Variants in VWA2 observed in about 807,000 individuals in gnomAD.
VWA2 encodes the protein von Willebrand factor A domain-containing protein 2.
VWA2 carries 73 observed loss-of-function variants against 70.4 expected under a neutral mutation model. That is an observed-to-expected ratio of 1.04 (90% CI 0.86 to 1.26). VWA2 has a LOEUF of 1.26. Ranked by LOEUF, VWA2 falls within the 50% of genes most tolerant of loss-of-function variation. The pLI is 0.00. For synonymous variants in VWA2, 407 were observed against 423.3 expected (o/e 0.96, Z 0.47); for missense variants, 1,011 against 998.5 (o/e 1.01, Z -0.17).
chr10:114,252,994 G>A (rs1017302714), intron 2 of VWA2, among the ~76,000 whole-genome samples: 1 of 151,584 alleles, frequency 6.6e-6, no homozygotes, highest in African/African-American at 2.4e-5. Context: ...ACTGCACATT[G>A]ACATTTACAA....
chr10:114,239,402 G>A lies in VWA2; in HGVS notation c.-178G>A, dbSNP rs1303317906. On this transcript the variant is annotated 5_prime_UTR_variant, in exon 1 of 14. Coordinates refer to ENST00000392982, the MANE Select transcript of VWA2 (RefSeq NM_001272046.2). ...GCGGTAGTTCCTCCGACCTCAGCCGGGTCGGGTCGTGCCGCCCTCTCCCAG... is the reference window on the plus strand; with the variant it reads ...GCGGTAGTTCCTCCGACCTCAGCCGAGTCGGGTCGTGCCGCCCTCTCCCAG... 1 of 152,390 alleles carries A rather than the reference G, an allele frequency of 6.6e-6. No individual in the cohort carries two copies. The highest frequency in any genetic ancestry group is 3.4e-3 in the Middle Eastern group (1 of 294). 9.4% of individuals were successfully genotyped at this position (152,390 alleles called of 1,614,324 possible). A position where few individuals can be genotyped will look rare whatever the true frequency, so the allele number is the denominator to read the frequency against.
At chr10:114,288,309 T>A (rs1015757380) in intron 11 of VWA2, among the ~76,000 whole-genome samples, 1 of 152,218 alleles carries the variant, frequency 6.6e-6, no homozygotes, top group African/African-American at 2.4e-5. Flanking sequence ...GCTGCCGACA[T>A]CATTTGTAAT....
In VWA2 at chr10:114,278,811, C is replaced by T. The variant is rs202058880; in HGVS notation, c.793C>T (p.Arg265Trp). 19 of 1,613,316 alleles carry T rather than the reference C, an allele frequency of 1.2e-5. No individual in the cohort carries two copies. The highest frequency in any genetic ancestry group is 8.8e-5 in the South Asian group (8 of 91,056). The change falls in exon 8 of 14, where the codon CGG becomes TGG. Residue 265 changes from arginine (R) to tryptophan (W), a missense_variant. Transcript: ENST00000392982. ...TGCCCCATGCTGGAGAGGATCGCGGCGGACCCTTGCGGTGCTGGCTGCACA... is the reference window on the plus strand; with the variant it reads ...TGCCCCATGCTGGAGAGGATCGCGGTGGACCCTTGCGGTGCTGGCTGCACA... The part of the protein sequence containing the change: ...GNAPCWRGSR[R>W]TLAVLAAHCP...
At chr10:114,261,959 G>T (rs2037453794) in intron 5 of VWA2, among the ~76,000 whole-genome samples, 1 of 152,154 alleles carries the variant, frequency 6.6e-6, no homozygotes, top group African/African-American at 2.4e-5. Context: ...GGGGGGGCAG[G>T]TGCATCACAT....
chr10:114,256,496 T>C (rs910117151), intron 4 of VWA2, among the ~76,000 whole-genome samples: 8 of 152,112 alleles, frequency 5.3e-5, no homozygotes, highest in Admixed American at 1.3e-4. Flanking sequence ...ACAGTGGTTT[T>C]CATTAAGGGG....
intron 1 of VWA2, among the ~76,000 whole-genome samples, chr10:114,241,465 G>A (rs943258344): frequency 1.3e-5 from 2 of 152,174 alleles, no homozygotes; most frequent in Non-Finnish European, 2.9e-5. Context: ...GTAGTACGTA[G>A]CTTTCTCAGA....
At chr10:114,257,978 A>G (rs538695443) in intron 4 of VWA2, among the ~76,000 whole-genome samples, 14 of 152,330 alleles carry the variant, frequency 9.2e-5, no homozygotes, top group Admixed American at 3.3e-4. Context: ...TTTTAAGGGT[A>G]GAATCTGGGT....
rs150785380 is a variant in VWA2 at position 114,258,943 on chromosome 10, C to T, written c.262-2243C>T. On this transcript the variant is annotated intron_variant, in intron 4 of 13. Coordinates refer to ENST00000392982, the MANE Select transcript of VWA2 (RefSeq NM_001272046.2). ...TTTACAGGTCATTAAAATGTTTCAT[C>T]ATAAGGATTTCTCCAGGTCTAATTA... Among the ~76,000 whole-genome samples the T allele has an allele frequency of 5.6e-3, 848 of 152,266 alleles. 3 individuals carry two copies. The highest frequency in any genetic ancestry group is 8.4e-3 in the Non-Finnish European group (572 of 68,018).
At chr10:114,279,441 C>T (rs563683490) in intron 8 of VWA2, among the ~76,000 whole-genome samples, 13 of 152,224 alleles carry the variant, frequency 8.5e-5, no homozygotes, top group African/African-American at 1.2e-4. Context: ...TCTGGGGGGC[C>T]GGGGCAGTGT....
chr10:114,277,978 G>A lies in VWA2; in HGVS notation c.631G>A (p.Val211Met). 1 of 1,613,268 alleles carries A rather than the reference G, an allele frequency of 6.2e-7. No homozygotes were observed. Among genetic ancestry groups the A allele is most frequent in the Non-Finnish European group, 8.5e-7 (1 of 1,179,810 alleles). ...RGQHVLLAEQ[V>M]EDATNGLFST... ...GCAGCACGTGCTGTTGGCTGAGCAG[G>A]TGGAGGATGCCACCAACGGCCTCTT... Residue 211 changes from valine (V) to methionine (M), a missense_variant, in exon 7 of 14, where the codon GTG becomes ATG. Transcript: ENST00000392982.
intron 2 of VWA2, among the ~76,000 whole-genome samples, chr10:114,251,923 G>A (rs997796866): frequency 1.1e-4 from 16 of 150,214 alleles, no homozygotes; most frequent in Non-Finnish European, 2.4e-4. Context: ...CCGGGTTCAA[G>A]TGATTCAACT....
intron 4 of VWA2, among the ~76,000 whole-genome samples, chr10:114,260,392 C>A (rs1390154774): frequency 1.3e-5 from 2 of 152,298 alleles, no homozygotes; most frequent in Admixed American, 1.3e-4. Context: ...CCATACTAGT[C>A]GTTTCAGTTG....
In VWA2 at chr10:114,277,898, CA is replaced by C; in HGVS notation, c.567-14del. ...GTGGGTATAGGACCACAAGCTGTTACAACCCCTTGGCACAGGTGGGAGGAGC... is the reference window on the plus strand; with the variant it reads ...GTGGGTATAGGACCACAAGCTGTTACACCCCTTGGCACAGGTGGGAGGAGC... On this transcript the variant is annotated splice_polypyrimidine_tract_variant and intron_variant, in intron 6 of 13. Coordinates refer to ENST00000392982, the MANE Select transcript of VWA2 (RefSeq NM_001272046.2). 6.3e-7 allele frequency: 1 copy of C among 1,595,356 alleles called. No individual in the cohort carries two copies. The highest frequency in any genetic ancestry group is 1.3e-5 in the African/African-American group (1 of 74,706).
intron 6 of VWA2, among the ~76,000 whole-genome samples, chr10:114,277,092 C>A (rs1224988539): frequency 6.6e-6 from 1 of 150,562 alleles, no homozygotes; most frequent in East Asian, 1.9e-4. Context: ...GGATTTTTGC[C>A]CTATCGTCAA....
At chr10:114,249,959 T>C (rs1404623165) in intron 2 of VWA2, among the ~76,000 whole-genome samples, 1 of 152,014 alleles carries the variant, frequency 6.6e-6, no homozygotes, top group Admixed American at 6.6e-5. Flanking sequence ...GCATCCTTGC[T>C]CCCCGCCACC....
At position 114,251,820 on chromosome 10, in the gene VWA2, A is replaced by ATTT. The variant is rs1219307995; in HGVS notation, c.53-1812_53-1810dup. 1.3e-3 allele frequency among the ~76,000 whole-genome samples: 161 copies of ATTT among 120,856 alleles called. 1 individual carries two copies. Among genetic ancestry groups the ATTT allele is most frequent in the African/African-American group, 4.0e-3 (124 of 31,006 alleles). 79.3% of individuals were successfully genotyped at this position (120,856 alleles called of 152,430 possible). On this transcript the variant is annotated intron_variant, in intron 2 of 13. Coordinates refer to ENST00000392982, the MANE Select transcript of VWA2 (RefSeq NM_001272046.2). ...GAATGCAGTGAGCAGAAAACCTGTA[A>ATTT]TTTTTTTTTTTTTTTTTTTTTGAGA...
chr10:114,251,152 TGCGCAATA>T (rs1169528460), intron 2 of VWA2, among the ~76,000 whole-genome samples: 1 of 152,264 alleles, frequency 6.6e-6, no homozygotes, highest in Non-Finnish European at 1.5e-5. Flanking sequence ...CAACTCTGCC[TGCGCAATA>T]GCGTCACCCA....
Position 114,282,510 on chromosome 10 carries a change from T to C in VWA2, c.834-6T>C, listed in dbSNP as rs1249841193. The C allele has an allele frequency of 3.1e-6, 5 of 1,613,418 alleles. No homozygotes were observed. Among genetic ancestry groups the C allele is most frequent in the Non-Finnish European group, 4.2e-6 (5 of 1,179,468 alleles). On this transcript the variant is annotated splice_region_variant and splice_polypyrimidine_tract_variant and intron_variant, in intron 8 of 13. Transcript: ENST00000392982. ...CTGTCTATAATTCTGTTTCCTTGGA[T>C]TGTAGCTGGAAGAGAGTGTTCCTAA... is the stretch of plus-strand genomic sequence containing the variant.
Position 114,284,876 on chromosome 10 carries a change from G to A in VWA2, c.903G>A (p.Ser301=), listed in dbSNP as rs747532257. Residue 301 remains serine (S), a synonymous_variant, in exon 10 of 14, where the codon TCG becomes TCA. Coordinates refer to ENST00000392982, the MANE Select transcript of VWA2 (RefSeq NM_001272046.2). ...TCTCTCTGATAGGCCCCTGTGACTCGCAGCCCTGCCAGAATGGAGGCACAT... is the reference window on the plus strand; with the variant it reads ...TCTCTCTGATAGGCCCCTGTGACTCACAGCCCTGCCAGAATGGAGGCACAT... The part of the protein sequence containing the change: ...YRTTCPGPCD[S]QPCQNGGTCV... 5 of 1,608,254 alleles carry A rather than the reference G, an allele frequency of 3.1e-6. No individual in the cohort carries two copies. The South Asian group carries it at 3.3e-5, about 11-fold the overall frequency.
Sources: allele counts gnomAD v4.1 joint callset (sites outside exome capture counted in the v4.1 genomes callset), GRCh38; gene constraint gnomAD v4.1.1; transcripts MANE v1.5; gene names NCBI Gene and HGNC (gene_info 2026-07-23, HGNC 2026-07-21).